KIR2DL3: variants seen among roughly 807,000 people sequenced by gnomAD.
The protein encoded by KIR2DL3 is killer cell immunoglobulin-like receptor 2DL3.
A neutral mutation model predicts 33.8 loss-of-function variants in KIR2DL3; 39 were observed. The ratio of observed to expected loss-of-function variants is 1.15; its 90% CI spans 0.89 to 1.51. The LOEUF (loss-of-function observed/expected upper bound fraction) is 1.51. Among genes scored for constraint, KIR2DL3 ranks in the 40% most tolerant of loss-of-function variants. KIR2DL3 has a pLI of 0.00. For missense variants in KIR2DL3, 462 were observed against 426.2 expected (o/e 1.08, Z -0.74); for synonymous variants, 174 against 160.2 (o/e 1.09, Z -0.65).
intron 4 of KIR2DL3, among the ~76,000 whole-genome samples, chr19:54,746,562 G>T (rs653716): frequency 0.25 from 30,302 of 122,152 alleles, 4,526 homozygotes; most frequent in African/African-American, 0.31. Flanking sequence ...TTTCATTTGA[G>T]TTTTGTGTAT....
chr19:54,744,888 A>ATGTG (rs1335395667), intron 4 of KIR2DL3, among the ~76,000 whole-genome samples: 1 of 51,896 alleles, frequency 1.9e-5, no homozygotes, highest in African/African-American at 7.6e-5. Context: ...ATATATATAT[A>ATGTG]TATATATATA....
Position 54,743,923 on chromosome 19 carries a change from C to T in KIR2DL3, c.499C>T (p.His167Tyr), listed in dbSNP as rs745357733. ...MYHLSREGEAHERRFSAGPKV... is the reference protein window; with the variant it reads ...MYHLSREGEAYERRFSAGPKV... Reference sequence around the variant, plus strand: ...CCATCTATCCAGGGAGGGGGAGGCCCATGAACGTAGGTTCTCTGCAGGGCC... The same window carrying T: ...CCATCTATCCAGGGAGGGGGAGGCCTATGAACGTAGGTTCTCTGCAGGGCC... Residue 167 changes from histidine to tyrosine, a missense_variant, in exon 4 of 8, where the codon CAT (histidine) becomes TAT (tyrosine). His to Tyr is a moderately conservative substitution (Grantham distance 83, BLOSUM62 2). Transcript: ENST00000342376. 8 of 1,614,046 alleles carry T rather than the reference C, an allele frequency of 5.0e-6. No individual in the cohort carries two copies. The highest frequency in any genetic ancestry group is 6.8e-6 in the Non-Finnish European group (8 of 1,180,028).
intron 4 of KIR2DL3, among the ~76,000 whole-genome samples, 174 bp from the exon 5 acceptor site, chr19:54,747,161 G>A (rs1189856722): frequency 6.8e-6 from 1 of 146,874 alleles, no homozygotes; most frequent in East Asian, 1.9e-4. Flanking sequence ...TTTATACCTT[G>A]AAGTCTCAAG....
At position 54,742,037 on chromosome 19, in the gene KIR2DL3, A is replaced by T. The variant is rs768661815; in HGVS notation, c.128A>T (p.Glu43Val). The change falls in exon 3 of 8, where the codon GAG (glutamate) becomes GTG (valine). Residue 43 changes from glutamate to valine, a missense_variant. Glu to Val is a moderately radical substitution (Grantham distance 121). Coordinates refer to ENST00000342376, the MANE Select transcript of KIR2DL3 (RefSeq NM_015868.3). Reference protein sequence around the residue: ...AHPGPLVKSEETVILQCWSDV... With the variant: ...AHPGPLVKSEVTVILQCWSDV... The stretch of plus-strand genomic sequence containing the variant: ...CCAGGTCCCCTGGTGAAATCAGAAG[A>T]GACAGTCATCCTGCAATGTTGGTCA... 26 of 1,612,522 alleles carry T rather than the reference A, an allele frequency of 1.6e-5. No individual in the cohort carries two copies. Among genetic ancestry groups the T allele is most frequent in the Non-Finnish European group, 2.1e-5 (25 of 1,179,086 alleles).
Position 54,747,989 on chromosome 19 carries a change from T to C in KIR2DL3, c.715+604T>C, listed in dbSNP as rs2072825948. 2.0e-5 allele frequency among the ~76,000 whole-genome samples: 3 copies of C among 152,278 alleles called. No homozygotes were observed. In the South Asian group the frequency reaches 6.2e-4, roughly 32 times the overall value. On this transcript the variant is annotated intron_variant, in intron 5 of 7. Transcript: ENST00000342376. Reference sequence around the variant, plus strand: ...AAACAAAACGGTTTTTTAATTATCTTACAGTGCTGTAGCTCAAAGTAGGAA... The same window carrying C: ...AAACAAAACGGTTTTTTAATTATCTCACAGTGCTGTAGCTCAAAGTAGGAA...
chr19:54,741,226 C>T (rs1378987986), intron 2 of KIR2DL3, among the ~76,000 whole-genome samples: 4 of 151,316 alleles, frequency 2.6e-5, no homozygotes, highest in Non-Finnish European at 4.4e-5. Flanking sequence ...GTAATCCTAG[C>T]GACTCAGGAG....
At chr19:54,750,875 C>G (rs535994469) in intron 5 of KIR2DL3, among the ~76,000 whole-genome samples, 1 of 133,346 alleles carries the variant, frequency 7.5e-6, no homozygotes, top group African/African-American at 2.8e-5. Context: ...AGCCAGAGAG[C>G]AGCCCAGCCT....
At chr19:54,744,953 TA>T (rs1285207127) in intron 4 of KIR2DL3, among the ~76,000 whole-genome samples, 284 of 28,982 alleles carry the variant, frequency 9.8e-3, no homozygotes, top group African/African-American at 0.016. Context: ...TATATATATA[TA>T]TTTTTTTTTT....
Position 54,742,071 on chromosome 19 carries a change from G to C in KIR2DL3, c.162G>C (p.Arg54Ser). 2.5e-6 allele frequency: 4 copies of C among 1,613,602 alleles called. No homozygotes were observed. Among genetic ancestry groups the C allele is most frequent in the East Asian group, 2.2e-5 (1 of 44,866 alleles). Reference sequence around the variant, plus strand: ...TCCTGCAATGTTGGTCAGATGTCAGGTTTCAGCACTTCCTTCTGCACAGAG... The same window carrying C: ...TCCTGCAATGTTGGTCAGATGTCAGCTTTCAGCACTTCCTTCTGCACAGAG... ...TVILQCWSDV[R>S]FQHFLLHREG... The change falls in exon 3 of 8, where the codon AGG (arginine) becomes AGC (serine). Residue 54 changes from arginine to serine, a missense_variant. Coordinates refer to ENST00000342376, the MANE Select transcript of KIR2DL3 (RefSeq NM_015868.3).
intron 1 of KIR2DL3, among the ~76,000 whole-genome samples, chr19:54,738,848 C>T (rs1211190903): frequency 6.3e-5 from 7 of 111,156 alleles, no homozygotes; most frequent in Non-Finnish European, 1.1e-4. Flanking sequence ...AGATATGGGC[C>T]TGCAGTAGAG....
At position 54,750,266 on chromosome 19, in the gene KIR2DL3, A is replaced by G. The variant is rs777795069; in HGVS notation, c.716-1383A>G. ...CATTGATACTCCTTGGAGTGAGTCC[A>G]GATCTTGGAATCAGAGATCAGTGCC... On this transcript the variant is annotated intron_variant, in intron 5 of 7. Transcript: ENST00000342376. Among the ~76,000 whole-genome samples, 9 of 135,694 alleles carry G rather than the reference A, an allele frequency of 6.6e-5. 3 individuals are homozygous for G. The highest frequency in any genetic ancestry group is 1.5e-4 in the Non-Finnish European group (9 of 62,020). 89.0% of individuals were successfully genotyped at this position (135,694 alleles called of 152,430 possible).
rs773360682 is a variant in KIR2DL3 at position 54,750,958 on chromosome 19, G to C, written c.716-691G>C. Among the ~76,000 whole-genome samples, 15 of 133,928 alleles carry C rather than the reference G, an allele frequency of 1.1e-4. 2 individuals carry two copies. The highest frequency in any genetic ancestry group is 7.0e-4 in the Admixed American group (9 of 12,930). 87.9% of individuals were successfully genotyped at this position (133,928 alleles called of 152,430 possible). Reference sequence around the variant, plus strand: ...ATGACGTCCTCCTCCAGGAAGAACAGGAAGACAGCCCAGGCTGTTCTGAGA... The same window carrying C: ...ATGACGTCCTCCTCCAGGAAGAACACGAAGACAGCCCAGGCTGTTCTGAGA... On this transcript the variant is annotated intron_variant, in intron 5 of 7. Coordinates refer to ENST00000342376, the MANE Select transcript of KIR2DL3 (RefSeq NM_015868.3).
At chr19:54,741,843 G>C in intron 2 of KIR2DL3, 137 bp from the exon 3 acceptor site, 1 of 1,247,680 alleles carries the variant, frequency 8.0e-7, no homozygotes, top group Non-Finnish European at 1.1e-6. Flanking sequence ...AGGAGTTAAG[G>C]GCACAGAAAA....
chr19:54,749,779 C>G (rs2073143236), intron 5 of KIR2DL3, among the ~76,000 whole-genome samples: 1 of 71,690 alleles, frequency 1.4e-5, no homozygotes. Context: ...TCCCTGTAAT[C>G]CCAGCTCCTA....
intron 2 of KIR2DL3, among the ~76,000 whole-genome samples, chr19:54,741,534 C>T (rs1482597727): frequency 6.6e-6 from 1 of 151,970 alleles, no homozygotes; most frequent in Non-Finnish European, 1.5e-5. Flanking sequence ...AAGAGTGGCT[C>T]CCAGTCCCCA....
intron 4 of KIR2DL3, among the ~76,000 whole-genome samples, chr19:54,744,870 T>TTTTATATATATATATATATA (rs1257076612): frequency 1.3e-5 from 1 of 78,426 alleles, no homozygotes; most frequent in African/African-American, 4.7e-5. Context: ...ATAAATACAT[T>TTTTATATATATATATATATA]TATATATATA....
rs545948849 is a variant in KIR2DL3, at chr19:54,752,508, G to A, written c.1015G>A (p.Ala339Thr). Residue 339 changes from alanine (A) to threonine (T), a missense_variant, in exon 8 of 8, where the codon GCT becomes ACT. Physicochemically the swap from Ala to Thr is moderately conservative, Grantham distance 58. Transcript: ENST00000342376. The stretch of plus-strand genomic sequence containing the variant: ...CATCGTGTACACGGAACTTCCAAAT[G>A]CTGAGCCCTGATCCAAAGTTGTCTC... Reference protein sequence around the residue: ...DIIVYTELPNAEP With the variant: ...DIIVYTELPNTEP The A allele has an allele frequency of 1.4e-6, 2 of 1,463,954 alleles. 1 individual carries two copies. The highest frequency in any genetic ancestry group is 3.1e-5 in the African/African-American group (2 of 65,000). 90.7% of individuals were successfully genotyped at this position (1,463,954 alleles called of 1,614,324 possible). A position where few individuals can be genotyped will look rare whatever the true frequency, so the allele number is the denominator to read the frequency against.
rs1242943362 is a variant in KIR2DL3 at position 54,743,867 on chromosome 19, C to A, written c.443C>A (p.Ser148Tyr). The A allele has an allele frequency of 6.2e-7, 1 of 1,613,656 alleles. No homozygotes were observed. Among genetic ancestry groups the A allele is most frequent in the Non-Finnish European group, 8.5e-7 (1 of 1,179,860 alleles). The change falls in exon 4 of 8, where the codon TCC (serine) becomes TAC (tyrosine). Residue 148 changes from serine to tyrosine, a missense_variant. Coordinates refer to ENST00000342376, the MANE Select transcript of KIR2DL3 (RefSeq NM_015868.3). ...CTGGCAGGAGAGAGCGTGACCTTGT[C>A]CTGCAGCTCCCGGAGCTCCTATGAC... ...TVLAGESVTL[S>Y]CSSRSSYDMY...
At chr19:54,738,908 G>A (rs1639426) in intron 1 of KIR2DL3, among the ~76,000 whole-genome samples, 22,159 of 107,038 alleles carry the variant, frequency 0.21, 293 homozygotes, top group African/African-American at 0.25. Flanking sequence ...TATGGGCCTG[G>A]AGTGGAGATA....
Sources: gnomAD v4.1 joint callset for allele counts (sites outside exome capture counted in the v4.1 genomes callset) on GRCh38, gnomAD v4.1.1 for gene constraint, MANE v1.5 for transcripts, NCBI Gene and HGNC (gene_info 2026-07-23, HGNC 2026-07-21) for gene names.